The following FAM171B variants were observed in gnomAD, a reference collection of about 807,000 sequenced individuals.
The protein encoded by FAM171B is protein FAM171B.
FAM171B carries 19 observed loss-of-function variants against 75.6 expected under a neutral mutation model. The observed-to-expected ratio is 0.25, with a 90% CI of 0.18 to 0.37. The LOEUF is 0.37. FAM171B is among the 10% of genes least tolerant of loss of function. The pLI, the probability that FAM171B is intolerant of heterozygous loss-of-function variation, is 1.00. For synonymous variants in FAM171B, 367 were observed against 361.7 expected (o/e 1.01, Z -0.17); for missense variants, 848 against 982.4 (o/e 0.86, Z 1.83).
intron 6 of FAM171B, among the ~76,000 whole-genome samples, chr2:186,758,137 TC>T (rs5836999): frequency 0.43 from 64,950 of 151,938 alleles, 14,266 homozygotes; most frequent in East Asian, 0.73. Context: ...TGAGTGCTTA[TC>T]GTGAGCCAAG....
At chr2:186,695,194 T>C (rs1022954107) in intron 1 of FAM171B, 2 of 152,226 alleles carry the variant, frequency 1.3e-5, no homozygotes, top group African/African-American at 4.8e-5. Context: ...TTCTTGACAC[T>C]GTTCAGTGAA....
At chr2:186,709,551 A>G (rs1689781772) in intron 1 of FAM171B, among the ~76,000 whole-genome samples, 2 of 152,186 alleles carry the variant, frequency 1.3e-5, no homozygotes, top group Admixed American at 1.3e-4. Context: ...TATAATAGAA[A>G]TACTTTCCCC....
intron 1 of FAM171B, among the ~76,000 whole-genome samples, chr2:186,713,998 G>C (rs1689842081): frequency 1.3e-5 from 2 of 152,138 alleles, no homozygotes; most frequent in African/African-American, 4.8e-5. Context: ...AAAAGATAAT[G>C]TTCTTCTTTA....
At chr2:186,704,977 A>G (rs1167434671) in intron 1 of FAM171B, among the ~76,000 whole-genome samples, 3 of 152,204 alleles carry the variant, frequency 2.0e-5, no homozygotes, top group Non-Finnish European at 4.4e-5. Context: ...TTGATGCAGA[A>G]CAGGCGAGCC....
At chr2:186,714,451 T>G (rs186880338) in intron 1 of FAM171B, among the ~76,000 whole-genome samples, 33 of 152,334 alleles carry the variant, frequency 2.2e-4, no homozygotes, top group African/African-American at 7.7e-4. Context: ...AATTATTTAC[T>G]ATTTATTCTC....
At chr2:186,703,874 C>T (rs1421263042) in intron 1 of FAM171B, among the ~76,000 whole-genome samples, 2 of 151,458 alleles carry the variant, frequency 1.3e-5, no homozygotes, top group Admixed American at 6.6e-5. Flanking sequence ...AGATGAAGAA[C>T]ATGCTTTTGT....
chr2:186,761,068 T>G (rs752840908), intron 6 of FAM171B, 45 bp from the exon 7 acceptor site: 1 of 1,570,334 alleles, frequency 6.4e-7, no homozygotes, highest in Non-Finnish European at 8.6e-7. Context: ...GTTGAGAATT[T>G]GATCTAAAAT....
intron 1 of FAM171B, among the ~76,000 whole-genome samples, chr2:186,703,967 A>G (rs1476950510): frequency 1.3e-5 from 2 of 152,186 alleles, no homozygotes; most frequent in African/African-American, 4.8e-5. Flanking sequence ...TTCATGGAGC[A>G]ATGATAAGGG....
rs1200680450 is a variant in FAM171B at position 186,761,799 on chromosome 2, A to G, written c.1457A>G (p.Glu486Gly). Residue 486 changes from glutamate (E) to glycine (G), a missense_variant, in exon 8 of 8, where the codon GAG becomes GGG. Glu to Gly is a moderately conservative substitution (Grantham distance 98). Coordinates refer to ENST00000304698, the MANE Select transcript of FAM171B (RefSeq NM_177454.4). ...NYSRNPTQSLEPNVGSKQPKH... is the reference protein window; with the variant it reads ...NYSRNPTQSLGPNVGSKQPKH... ...TCAAGAAACCCAACACAGTCTTTGG[A>G]GCCCAATGTAGGGTCCAAACAACCT... is the stretch of plus-strand genomic sequence containing the variant. 1.2e-6 allele frequency: 2 copies of G among 1,613,254 alleles called. No homozygotes were observed. Among genetic ancestry groups the G allele is most frequent in the Middle Eastern group, 1.7e-4 (1 of 6,054 alleles).
intron 6 of FAM171B, among the ~76,000 whole-genome samples, chr2:186,758,595 G>A (rs374851833): frequency 1.4e-4 from 21 of 152,152 alleles, no homozygotes; most frequent in East Asian, 9.7e-4. Flanking sequence ...AGCTTTTTGA[G>A]CACAATGAAG....
rs1348159677 is a variant in FAM171B at position 186,755,697 on chromosome 2, C to A, written c.1012+1648C>A. On this transcript the variant is annotated intron_variant, in intron 6 of 7. Transcript: ENST00000304698. ...ATTTTCATTCTGTGTTGGCAAGTTT[C>A]AATTTTCTTTTTTGATTGGGTCTTG... 2.0e-5 allele frequency among the ~76,000 whole-genome samples: 3 copies of A among 152,128 alleles called. No individual in the cohort carries two copies. The East Asian group carries it at 5.8e-4, about 29-fold the overall frequency.
At position 186,747,238 on chromosome 2, in the gene FAM171B, C is replaced by A. The variant is rs1690377864; in HGVS notation, c.712C>A (p.Leu238Ile). 6.3e-7 allele frequency: 1 copy of A among 1,585,758 alleles called. No homozygotes were observed. Among genetic ancestry groups the A allele is most frequent in the South Asian group, 1.2e-5 (1 of 84,188 alleles). ...DNFLHTTGIT[L>I]NKPGFENIEL... ...TTTTCTGCATACAACTGGAATTACT[C>A]TCAATAAACCAGGTATTATCTACTT... The change falls in exon 4 of 8, where the codon CTC becomes ATC. Residue 238 changes from leucine (L) to isoleucine (I), a missense_variant. By Grantham distance (5) the Leu-to-Ile change is conservative. Transcript: ENST00000304698.
chr2:186,712,032 C>T (rs1197233233), intron 1 of FAM171B, among the ~76,000 whole-genome samples: 1 of 152,026 alleles, frequency 6.6e-6, no homozygotes, highest in African/African-American at 2.4e-5. Flanking sequence ...CTGTATTCAC[C>T]CATTTTATGT....
Position 186,720,722 on chromosome 2 carries a change from G to A in FAM171B, c.239-19506G>A, listed in dbSNP as rs62173042. Among the ~76,000 whole-genome samples, 302 of 127,860 alleles carry A rather than the reference G, an allele frequency of 2.4e-3. 1 individual carries two copies. Among genetic ancestry groups the A allele is most frequent in the Middle Eastern group, 0.014 (3 of 212 alleles). 83.9% of individuals were successfully genotyped at this position (127,860 alleles called of 152,430 possible). On this transcript the variant is annotated intron_variant, in intron 1 of 7. Transcript: ENST00000304698. ...GTACAAAAAAAAAAAAAAAAGAAAA[G>A]AAAACAAAACAAAACAAAAACTCTC...
Position 186,739,146 on chromosome 2 carries a change from A to T in FAM171B, c.239-1082A>T, listed in dbSNP as rs113455730. On this transcript the variant is annotated intron_variant, in intron 1 of 7. Coordinates refer to ENST00000304698, the MANE Select transcript of FAM171B (RefSeq NM_177454.4). ...AAGACCATACAAAAGATTTTTTTTT[A>T]AAATAGTACACTTGTAAAGGGCACT... Among the ~76,000 whole-genome samples the T allele has an allele frequency of 9.6e-3, 1,456 of 152,196 alleles. 29 individuals carry two copies. The highest frequency in any genetic ancestry group is 0.033 in the African/African-American group (1,363 of 41,522).
intron 1 of FAM171B, among the ~76,000 whole-genome samples, chr2:186,724,001 C>T (rs1255559046): frequency 1.3e-5 from 2 of 152,186 alleles, no homozygotes; most frequent in Non-Finnish European, 2.9e-5. Context: ...ATAGAGTTAA[C>T]ATTCTAGTTG....
intron 4 of FAM171B, among the ~76,000 whole-genome samples, chr2:186,750,733 G>A (rs968285343): frequency 1.3e-5 from 2 of 152,130 alleles, no homozygotes; most frequent in Non-Finnish European, 2.9e-5. Context: ...GAAACAGATG[G>A]TCTTGGAAAA....
At chr2:186,710,208 G>A (rs1322159437) in intron 1 of FAM171B, among the ~76,000 whole-genome samples, 1 of 152,180 alleles carries the variant, frequency 6.6e-6, no homozygotes, top group Non-Finnish European at 1.5e-5. Context: ...GGCTTAAGAG[G>A]AGAAGCATAT....
Position 186,763,266 on chromosome 2 carries a change from C to A in FAM171B, c.*443C>A, listed in dbSNP as rs191089545. On this transcript the variant is annotated 3_prime_UTR_variant, in exon 8 of 8. Coordinates refer to ENST00000304698, the MANE Select transcript of FAM171B (RefSeq NM_177454.4). Reference sequence around the variant, plus strand: ...TTAAATGTTACTATTACGTCTTCTTCTGCCTATACTTAAAAATAACTTGAT... The same window carrying A: ...TTAAATGTTACTATTACGTCTTCTTATGCCTATACTTAAAAATAACTTGAT... 2.9e-3 allele frequency: 458 copies of A among 158,108 alleles called. 2 individuals carry two copies. Among genetic ancestry groups the A allele is most frequent in the Middle Eastern group, 6.7e-3 (2 of 300 alleles). The allele number at this position is 158,108 out of a possible 1,614,324, so 9.8% of individuals were successfully genotyped here. A position where few individuals can be genotyped will look rare whatever the true frequency, so the allele number is the denominator to read the frequency against.
Sources: allele counts gnomAD v4.1 joint callset (sites outside exome capture counted in the v4.1 genomes callset), GRCh38; gene constraint gnomAD v4.1.1; transcripts MANE v1.5; gene names NCBI Gene and HGNC (gene_info 2026-07-23, HGNC 2026-07-21).